Variants in MYBL2 observed in about 807,000 individuals in gnomAD.
MYBL2 encodes the protein MYB proto-oncogene like 2.
Under a neutral mutation model 79.9 loss-of-function variants are expected in MYBL2, and 28 were observed. The observed-to-expected ratio is 0.35, with a 90% CI of 0.26 to 0.48. The LOEUF (loss-of-function observed/expected upper bound fraction) is 0.48. MYBL2 is among the 20% of genes least tolerant of loss of function. The pLI, the probability that MYBL2 is intolerant of heterozygous loss-of-function variation, is 0.99. For synonymous variants in MYBL2, 378 were observed against 361.2 expected, an observed-to-expected ratio of 1.05 and a Z score of -0.53; for missense variants, 735 against 893.9, an observed-to-expected ratio of 0.82 and a Z score of 2.27.
intron 2 of MYBL2, among the ~76,000 whole-genome samples, chr20:43,679,431 T>C (rs959514380): frequency 6.6e-6 from 1 of 152,208 alleles, no homozygotes; most frequent in Non-Finnish European, 1.5e-5. Context: ...TTAAGTATTT[T>C]CAGATTGTTT....
intron 4 of MYBL2, among the ~76,000 whole-genome samples, chr20:43,684,534 CTTT>C (rs752809652): frequency 2.2e-5 from 3 of 136,154 alleles, no homozygotes; most frequent in Non-Finnish European, 1.6e-5. Flanking sequence ...TGTGCCCGGC[CTTT>C]TTTTTTTTTT....
At chr20:43,713,283 A>G (rs1175474364) in intron 12 of MYBL2, among the ~76,000 whole-genome samples, 177 bp downstream of exon 12, 1 of 151,788 alleles carries the variant, frequency 6.6e-6, no homozygotes, top group African/African-American at 2.4e-5. Context: ...CTTGTCTCTC[A>G]CAGAAGGTTT....
Position 43,710,006 on chromosome 20 carries a change from C to T in MYBL2, c.1549C>T (p.His517Tyr). 6.2e-7 allele frequency: 1 copy of T among 1,609,518 alleles called. No individual in the cohort carries two copies. The highest frequency in any genetic ancestry group is 1.1e-5 in the South Asian group (1 of 89,608). ...GAAGTACTCCATGGACAACACTCCC[C>T]ACACGCCAACCCCGTTCAAGAACGC... ...DQKYSMDNTP[H>Y]TPTPFKNALE... is the part of the protein sequence containing the mutation. Residue 517 changes from histidine (H) to tyrosine (Y), a missense_variant, in exon 10 of 14, where the codon CAC (histidine) becomes TAC (tyrosine). Around this residue, in one of 5 missense-constraint regions of MYBL2, gnomAD observed 243 missense variants for 327.2 expected, o/e 0.74. Transcript: ENST00000217026.
At chr20:43,700,825 G>A (rs1223575649) in intron 7 of MYBL2, among the ~76,000 whole-genome samples, 1 of 152,150 alleles carries the variant, frequency 6.6e-6, no homozygotes, top group Non-Finnish European at 1.5e-5. Flanking sequence ...GTGTACCCAA[G>A]GTTGCACAGC....
chr20:43,706,349 C>T (rs910530717), intron 9 of MYBL2, among the ~76,000 whole-genome samples: 22 of 152,166 alleles, frequency 1.4e-4, no homozygotes, highest in African/African-American at 4.3e-4. Context: ...ACAGGTTGCT[C>T]GCCAGCCTGC....
At position 43,686,893 on chromosome 20, in the gene MYBL2, A is replaced by G. The variant is rs745877785; in HGVS notation, c.321A>G (p.Thr107=). The change falls in exon 5 of 14, where the codon ACA becomes ACG. Residue 107 remains threonine (T), a synonymous_variant. Coordinates refer to ENST00000217026, the MANE Select transcript of MYBL2 (RefSeq NM_002466.4). ...AGAAGTATGGCACAAAGCAGTGGAC[A>G]CTGATTGCCAAGCACCTGAAGGGCC... The part of the protein sequence containing the change: ...LVKKYGTKQW[T]LIAKHLKGRL... 1.2e-6 allele frequency: 2 copies of G among 1,614,174 alleles called. No individual in the cohort carries two copies. The highest frequency in any genetic ancestry group is 1.7e-6 in the Non-Finnish European group (2 of 1,180,022).
At chr20:43,677,264 C>T (rs1300631497) in intron 2 of MYBL2, among the ~76,000 whole-genome samples, 1 of 152,198 alleles carries the variant, frequency 6.6e-6, no homozygotes, top group East Asian at 1.9e-4. Context: ...TGTGCAGGTC[C>T]CTGGAATGTG....
rs188744342 is a variant in MYBL2 at position 43,671,506 on chromosome 20, C to T, written c.21-2300C>T. On this transcript the variant is annotated intron_variant, in intron 1 of 13. Coordinates refer to ENST00000217026, the MANE Select transcript of MYBL2 (RefSeq NM_002466.4). Reference sequence around the variant, plus strand: ...TTTTTTTGTGAGATGGAGTTTCGCTCTTGTTGCCCAGGCTAGAGTGCAATG... The same window carrying T: ...TTTTTTTGTGAGATGGAGTTTCGCTTTTGTTGCCCAGGCTAGAGTGCAATG... Among the ~76,000 whole-genome samples the T allele has an allele frequency of 5.9e-3, 654 of 110,356 alleles. 5 individuals carry two copies. The highest frequency in any genetic ancestry group is 0.033 in the Middle Eastern group (4 of 122). The allele number at this position is 110,356 out of a possible 152,430, so 72.4% of individuals were successfully genotyped here.
In MYBL2 at chr20:43,672,900, T is replaced by G. The variant is rs369463306; in HGVS notation, c.21-906T>G. Reference sequence around the variant, plus strand: ...GTTTGTTACTGAAAGGAAAAAGCGATAGTCTGATTTTGAACATAATATTCT... The same window carrying G: ...GTTTGTTACTGAAAGGAAAAAGCGAGAGTCTGATTTTGAACATAATATTCT... On this transcript the variant is annotated intron_variant, in intron 1 of 13. Transcript: ENST00000217026. Among the ~76,000 whole-genome samples, 177 of 152,338 alleles carry G rather than the reference T, an allele frequency of 1.2e-3. 3 individuals are homozygous for G. The South Asian group carries it at 0.035, about 30-fold the overall frequency.
Position 43,702,624 on chromosome 20 carries a change from C to T in MYBL2, c.1086C>T (p.Ser362=), listed in dbSNP as rs754074584. Residue 362 remains serine (S), a synonymous_variant, in exon 8 of 14, where the codon TCC becomes TCT. Transcript: ENST00000217026. ...AAGTCCTGCCACCCCGCCAGCCTTCCGCCCTGGTGCCCAGTGTGACCGAGT... is the reference window on the plus strand; with the variant it reads ...AAGTCCTGCCACCCCGCCAGCCTTCTGCCCTGGTGCCCAGTGTGACCGAGT... The part of the protein sequence containing the change: ...QQQVLPPRQP[S]ALVPSVTEYR... 16 of 1,613,998 alleles carry T rather than the reference C, an allele frequency of 9.9e-6. No homozygotes were observed. Among genetic ancestry groups the T allele is most frequent in the African/African-American group, 2.7e-5 (2 of 74,932 alleles).
Position 43,699,745 on chromosome 20 carries a change from T to C in MYBL2, c.664-12T>C. On this transcript the variant is annotated splice_polypyrimidine_tract_variant and intron_variant, in intron 6 of 13. Transcript: ENST00000217026. The stretch of plus-strand genomic sequence containing the variant: ...CAGCGAAATGCAAATGGTGTATTCT[T>C]GTGTCTTACAGGGAAGTCTTCTGAC... 6.2e-7 allele frequency: 1 copy of C among 1,613,658 alleles called. No homozygotes were observed.
At chr20:43,701,936 T>G (rs285168) in intron 7 of MYBL2, among the ~76,000 whole-genome samples, 2 of 152,066 alleles carry the variant, frequency 1.3e-5, no homozygotes, top group Non-Finnish European at 2.9e-5. Flanking sequence ...GAGGCCAAGG[T>G]GGTCAGATCA....
chr20:43,681,837 C>T lies in MYBL2; in HGVS notation c.168C>T (p.Phe56=), dbSNP rs768512088. Residue 56 remains phenylalanine (F), a synonymous_variant, in exon 3 of 14, where the codon TTC becomes TTT. Transcript: ENST00000217026. ...VRQFGQQDWK[F]LASHFPNRTD... is the part of the protein sequence containing the mutation. Reference sequence around the variant, plus strand: ...AGTTTGGACAGCAGGACTGGAAGTTCCTGGCCAGCCACTTCCCTGTGAGTA... The same window carrying T: ...AGTTTGGACAGCAGGACTGGAAGTTTCTGGCCAGCCACTTCCCTGTGAGTA... The T allele has an allele frequency of 3.1e-6, 5 of 1,613,358 alleles. No individual in the cohort carries two copies. Among genetic ancestry groups the T allele is most frequent in the Non-Finnish European group, 4.2e-6 (5 of 1,179,898 alleles).
intron 5 of MYBL2, 50 bp downstream of exon 5, chr20:43,687,122 G>A (rs189219367): frequency 2.8e-5 from 44 of 1,573,928 alleles, no homozygotes; most frequent in African/African-American, 1.3e-4. Flanking sequence ...GGCCAGGCCC[G>A]TGTTTCTGAT....
In MYBL2 at chr20:43,692,135, G is replaced by T. The variant is rs751600853; in HGVS notation, c.501-22G>T. 6.2e-6 allele frequency: 10 copies of T among 1,610,466 alleles called. No individual in the cohort carries two copies. In the East Asian group the frequency reaches 2.2e-4, roughly 36 times the overall value. ...CCCACCCACAGAGCTGGGGTTCAAA[G>T]GCCCCCTGCTGCCCCCTGCAGGACA... On this transcript the variant is annotated intron_variant, in intron 5 of 13. Coordinates refer to ENST00000217026, the MANE Select transcript of MYBL2 (RefSeq NM_002466.4).
intron 5 of MYBL2, among the ~76,000 whole-genome samples, 183 bp from the exon 6 acceptor site, chr20:43,691,974 C>T (rs1353084431): frequency 3.9e-5 from 6 of 151,970 alleles, no homozygotes; most frequent in Admixed American, 2.6e-4. Flanking sequence ...TGGAAATGCT[C>T]TGTAAATTAT....
intron 9 of MYBL2, among the ~76,000 whole-genome samples, chr20:43,706,271 CAA>C (rs1987781727): frequency 6.6e-6 from 1 of 152,184 alleles, no homozygotes; most frequent in Non-Finnish European, 1.5e-5. Context: ...ATCCCTCTAT[CAA>C]GAGTGGAGAC....
chr20:43,702,226 G>T (rs1297925118), intron 7 of MYBL2, among the ~76,000 whole-genome samples: 1 of 152,192 alleles, frequency 6.6e-6, no homozygotes, highest in Non-Finnish European at 1.5e-5. Flanking sequence ...TTGAACCCAG[G>T]AGTTCAAGCC....
Position 43,682,898 on chromosome 20 carries a change from G to T in MYBL2, c.279+12G>T, listed in dbSNP as rs755014470. 3.8e-5 allele frequency: 61 copies of T among 1,611,716 alleles called. No individual in the cohort carries two copies. The highest frequency in any genetic ancestry group is 5.1e-5 in the Non-Finnish European group (60 of 1,178,054). ...AGGAAGACCAAAAAGTAACTGCTGG[G>T]ACAGTGCCTTGCACACAGTGGGTCT... On this transcript the variant is annotated intron_variant, in intron 4 of 13. Transcript: ENST00000217026.
Sources: gnomAD v4.1 joint callset for allele counts (sites outside exome capture counted in the v4.1 genomes callset) on GRCh38, gnomAD v4.1.1 for gene constraint, gnomAD v4.1.1 regional missense constraint, MANE v1.5 for transcripts, NCBI Gene and HGNC (gene_info 2026-07-23, HGNC 2026-07-21) for gene names.